The following TNS3 variants were observed in gnomAD, a reference collection of about 807,000 sequenced individuals.
The protein encoded by TNS3 is tensin 3.
In TNS3, 45 loss-of-function variants were observed where a neutral mutation model predicts 140.9. The observed-to-expected ratio is 0.32, with a 90% CI of 0.25 to 0.41. TNS3 has a LOEUF of 0.41. Ranked by LOEUF, TNS3 falls within the 10% of genes least tolerant of loss-of-function variation. The pLI is 1.00. For missense variants in TNS3, 1,716 were observed against 1,906.7 expected (o/e 0.90, Z 1.86); for synonymous variants, 815 against 788.4 (o/e 1.03, Z -0.56).
At chr7:47,321,624 C>T (rs1034289480) in intron 20 of TNS3, among the ~76,000 whole-genome samples, 10 of 152,190 alleles carry the variant, frequency 6.6e-5, no homozygotes, top group Non-Finnish European at 1.3e-4. Context: ...AGGGCTGTCC[C>T]GGGACAGAAC....
chr7:47,427,701 C>A (rs150330234), intron 9 of TNS3, among the ~76,000 whole-genome samples: 271 of 152,256 alleles, frequency 1.8e-3, no homozygotes, highest in African/African-American at 5.8e-3. Context: ...AAAGTCTCCA[C>A]GATTACAGTT....
At chr7:47,486,038 A>G (rs73328560) in intron 3 of TNS3, among the ~76,000 whole-genome samples, 31,071 of 147,760 alleles carry the variant, frequency 0.21, 3,902 homozygotes, top group African/African-American at 0.35. Context: ...GGGTGAGTGC[A>G]GGTGTGTGAG....
intron 20 of TNS3, among the ~76,000 whole-genome samples, chr7:47,335,292 G>A (rs947178022): frequency 6.6e-6 from 1 of 152,148 alleles, no homozygotes; most frequent in Non-Finnish European, 1.5e-5. Flanking sequence ...AGCCTGGTTG[G>A]GCCCGTCCTC....
At chr7:47,419,999 T>C (rs1390054054) in intron 10 of TNS3, among the ~76,000 whole-genome samples, 1 of 152,204 alleles carries the variant, frequency 6.6e-6, no homozygotes, top group African/African-American at 2.4e-5. Flanking sequence ...AATTAAACTC[T>C]TTCTCTACTG....
At chr7:47,309,916 C>A (rs896567362) in intron 20 of TNS3, among the ~76,000 whole-genome samples, 2 of 152,156 alleles carry the variant, frequency 1.3e-5, no homozygotes, top group African/African-American at 2.4e-5. Context: ...TAGTTTGAAC[C>A]CATTCAGATC....
chr7:47,498,251 G>A (rs1354288661), intron 3 of TNS3, among the ~76,000 whole-genome samples: 1 of 152,202 alleles, frequency 6.6e-6, no homozygotes, highest in Non-Finnish European at 1.5e-5. Flanking sequence ...CTTGCCAACA[G>A]CCTCCTACCC....
chr7:47,426,744 T>A (rs1227064787), intron 9 of TNS3, among the ~76,000 whole-genome samples: 1 of 152,132 alleles, frequency 6.6e-6, no homozygotes, highest in Non-Finnish European at 1.5e-5. Context: ...TTTTTAGCCC[T>A]AAGACATCTA....
chr7:47,388,991 A>C (rs62446293), intron 16 of TNS3, among the ~76,000 whole-genome samples: 1,246 of 23,032 alleles, frequency 0.054, 379 homozygotes, highest in Non-Finnish European at 0.23. Context: ...GCAGAGGAAG[A>C]AGAAGAAGAA....
chr7:47,373,141 C>A (rs1050388651), intron 16 of TNS3, among the ~76,000 whole-genome samples: 1 of 152,180 alleles, frequency 6.6e-6, no homozygotes, highest in African/African-American at 2.4e-5. Context: ...AAAGGGCTAT[C>A]ATTTTGCAAA....
intron 1 of TNS3, among the ~76,000 whole-genome samples, chr7:47,554,408 A>G (rs1800142253): frequency 6.8e-6 from 1 of 146,944 alleles, no homozygotes; most frequent in South Asian, 2.2e-4. Context: ...ACAGAGGAAG[A>G]CTCCATCTCA....
chr7:47,527,937 G>C (rs1799258805), intron 2 of TNS3, among the ~76,000 whole-genome samples: 1 of 151,874 alleles, frequency 6.6e-6, no homozygotes, highest in African/African-American at 2.4e-5. Flanking sequence ...TTGAATCACA[G>C]GATGTCCTAT....
intron 8 of TNS3, among the ~76,000 whole-genome samples, chr7:47,434,870 G>A (rs904661752): frequency 6.6e-6 from 1 of 152,216 alleles, no homozygotes; most frequent in Non-Finnish European, 1.5e-5. Context: ...CCATCATCTA[G>A]TCCATCAACT....
At chr7:47,490,877 G>T (rs73695349) in intron 3 of TNS3, among the ~76,000 whole-genome samples, 32,565 of 152,174 alleles carry the variant, frequency 0.21, 3,698 homozygotes, top group Non-Finnish European at 0.26. Flanking sequence ...AGTGTGCCCA[G>T]CAATGCGCAC....
chr7:47,553,220 G>T, intron 1 of TNS3, among the ~76,000 whole-genome samples: 1 of 152,324 alleles, frequency 6.6e-6, no homozygotes, highest in Non-Finnish European at 1.5e-5. Flanking sequence ...AGAAGCTGCC[G>T]CAAGTTATTC....
intron 17 of TNS3, among the ~76,000 whole-genome samples, chr7:47,352,423 G>A (rs899377434): frequency 1.3e-5 from 2 of 152,104 alleles, no homozygotes; most frequent in Non-Finnish European, 2.9e-5. Flanking sequence ...GCTCCAACAC[G>A]GCCCCACAGC....
chr7:47,580,019 T>A, intron 1 of TNS3: 1 of 154,156 alleles, frequency 6.5e-6, no homozygotes, highest in Non-Finnish European at 1.3e-5. Context: ...AAAAAAAAAA[T>A]CAATTTGCAT....
chr7:47,497,667 A>ACACACACACG (rs1554342937), intron 3 of TNS3, among the ~76,000 whole-genome samples: 2 of 104,448 alleles, frequency 1.9e-5, no homozygotes, highest in Non-Finnish European at 4.3e-5. Flanking sequence ...TATGGAACAC[A>ACACACACACG]CACACACACA....
At chr7:47,434,822 C>G (rs190197826) in intron 8 of TNS3, among the ~76,000 whole-genome samples, 2 of 152,182 alleles carry the variant, frequency 1.3e-5, no homozygotes, top group Non-Finnish European at 2.9e-5. Flanking sequence ...AATGGCTCCA[C>G]GTGGAAAGGA....
At chr7:47,346,450 G>A in intron 17 of TNS3, 94 bp from the exon 18 acceptor site, 1 of 1,436,360 alleles carries the variant, frequency 7.0e-7, no homozygotes, top group African/African-American at 1.4e-5. Context: ...TCTCAAAGGT[G>A]CTGTATGCTG....
Sources: allele counts gnomAD v4.1 joint callset (sites outside exome capture counted in the v4.1 genomes callset), GRCh38; gene constraint gnomAD v4.1.1; transcripts MANE v1.5; gene names NCBI Gene and HGNC (gene_info 2026-07-23, HGNC 2026-07-21).